The following UVRAG variants were observed in gnomAD, a reference collection of about 807,000 sequenced individuals.
UVRAG encodes the protein UV radiation resistance associated, also known as UV radiation resistance-associated gene protein.
In UVRAG, 19 loss-of-function variants were observed where a neutral mutation model predicts 78.0. The observed-to-expected ratio is 0.24, with a 90% CI of 0.17 to 0.36. The LOEUF is 0.36. UVRAG is among the 10% of genes least tolerant of loss of function. UVRAG has a pLI of 1.00. For synonymous variants in UVRAG, 323 were observed against 324.6 expected (o/e 1.00, Z 0.05); for missense variants, 740 against 853.8 (o/e 0.87, Z 1.66).
chr11:76,037,463 G>A (rs1276136284), intron 12 of UVRAG, among the ~76,000 whole-genome samples: 1 of 151,130 alleles, frequency 6.6e-6, no homozygotes, highest in Non-Finnish European at 1.5e-5. Context: ...AGCACTTTGG[G>A]AGGTTGCAGC....
chr11:75,876,147 T>C (rs1401906271), intron 3 of UVRAG, among the ~76,000 whole-genome samples: 4 of 152,350 alleles, frequency 2.6e-5, no homozygotes, highest in Admixed American at 2.6e-4. Flanking sequence ...GGAAATTCTT[T>C]GATGTTAATG....
chr11:76,093,301 A>T (rs1370305363), intron 13 of UVRAG, among the ~76,000 whole-genome samples: 1 of 152,202 alleles, frequency 6.6e-6, no homozygotes, highest in African/African-American at 2.4e-5. Flanking sequence ...TGATGCCTCC[A>T]GCTTTGTTCT....
At chr11:76,022,726 G>T (rs1471472390) in intron 12 of UVRAG, among the ~76,000 whole-genome samples, 6 of 152,110 alleles carry the variant, frequency 3.9e-5, no homozygotes, top group Non-Finnish European at 7.3e-5. Context: ...TCCAATCTCT[G>T]CCTTTGGATT....
intron 5 of UVRAG, chr11:75,892,424 C>G (rs1947232700): frequency 1.0e-6 from 1 of 981,380 alleles, no homozygotes; most frequent in South Asian, 4.7e-5. Flanking sequence ...GGAATAATAG[C>G]TAGTATTTAG....
chr11:75,933,630 A>G (rs998370249), intron 6 of UVRAG, among the ~76,000 whole-genome samples: 7 of 152,234 alleles, frequency 4.6e-5, no homozygotes, highest in Non-Finnish European at 8.8e-5. Flanking sequence ...ACCAGAATGT[A>G]TAAGGAGCTC....
At chr11:75,962,860 C>T (rs1208122346) in intron 7 of UVRAG, among the ~76,000 whole-genome samples, 3 of 152,092 alleles carry the variant, frequency 2.0e-5, no homozygotes, top group African/African-American at 7.2e-5. Context: ...TATGCTTTAT[C>T]TCAGTGTGGA....
At position 76,141,106 on chromosome 11, in the gene UVRAG, G is replaced by A. The variant is rs762619917; in HGVS notation, c.1793G>A (p.Gly598Asp). 1.2e-6 allele frequency: 2 copies of A among 1,614,116 alleles called. No individual in the cohort carries two copies. Among genetic ancestry groups the A allele is most frequent in the Non-Finnish European group, 1.7e-6 (2 of 1,180,038 alleles). Residue 598 changes from glycine (G) to aspartate (D), a missense_variant, in exon 15 of 15, where the codon GGC becomes GAC. Coordinates refer to ENST00000356136, the MANE Select transcript of UVRAG (RefSeq NM_003369.4). ...TCCGGGCACCGGGCCACAGTCAATG[G>A]CACTCTCCTACCCAGCGAGCAGGCC... ...ALSGHRATVN[G>D]TLLPSEQAGS...
intron 6 of UVRAG, among the ~76,000 whole-genome samples, chr11:75,951,661 C>T (rs960522398): frequency 7.2e-5 from 11 of 152,130 alleles, no homozygotes; most frequent in South Asian, 2.1e-4. Context: ...GGATTACAGG[C>T]GTGAACCACC....
At chr11:75,897,310 C>G (rs1947363781) in intron 5 of UVRAG, among the ~76,000 whole-genome samples, 1 of 152,148 alleles carries the variant, frequency 6.6e-6, no homozygotes, top group Non-Finnish European at 1.5e-5. Flanking sequence ...TAGCAAATCA[C>G]TTAACTTCTC....
intron 4 of UVRAG, among the ~76,000 whole-genome samples, chr11:75,888,437 C>T (rs1410958290): frequency 6.6e-6 from 1 of 152,144 alleles, no homozygotes; most frequent in Non-Finnish European, 1.5e-5. Flanking sequence ...AGCTACTGTG[C>T]CAGGCCTAGG....
At chr11:76,007,436 C>A in intron 9 of UVRAG, 98 bp from the exon 10 acceptor site, 1 of 930,946 alleles carries the variant, frequency 1.1e-6, no homozygotes, top group Non-Finnish European at 1.6e-6. Flanking sequence ...CTATTACAGA[C>A]AGTATAATCT....
chr11:75,991,305 CCTG>C (rs1244891007), intron 8 of UVRAG, among the ~76,000 whole-genome samples: 1 of 152,114 alleles, frequency 6.6e-6, no homozygotes, highest in African/African-American at 2.4e-5. Context: ...ACTTACATTG[CCTG>C]CTATCTGTGG....
intron 1 of UVRAG, chr11:75,837,425 T>A (rs1945809591): frequency 6.6e-6 from 1 of 152,168 alleles, no homozygotes; most frequent in Non-Finnish European, 1.5e-5. Flanking sequence ...CTGTAGACTT[T>A]AAATCATCTC....
intron 6 of UVRAG, among the ~76,000 whole-genome samples, chr11:75,943,231 A>G (rs115201352): frequency 0.013 from 1,970 of 151,030 alleles, 41 homozygotes; most frequent in African/African-American, 0.045. Flanking sequence ...TTATCGATCT[A>G]TTCAGGTTTT....
chr11:75,861,660 A>C, intron 2 of UVRAG, 86 bp from the exon 3 acceptor site: 2 of 901,578 alleles, frequency 2.2e-6, no homozygotes, highest in Non-Finnish European at 3.5e-6. Context: ...ACTGCAACAT[A>C]TGTTAAAAAA....
At chr11:76,019,785 C>T (rs1950208955) in intron 12 of UVRAG, among the ~76,000 whole-genome samples, 1 of 152,184 alleles carries the variant, frequency 6.6e-6, no homozygotes, top group Non-Finnish European at 1.5e-5. Flanking sequence ...GACCTGATGC[C>T]AGCATAGGAC....
rs149711791 is a variant in UVRAG at position 76,106,219 on chromosome 11, A to G, written c.1306-9705A>G. On this transcript the variant is annotated intron_variant, in intron 13 of 14. Transcript: ENST00000356136. ...ACCTGGATGAATCTCATGTGAAAAA[A>G]GGCAGACACAACAGGCTAAATACTC... Among the ~76,000 whole-genome samples, 671 of 152,314 alleles carry G rather than the reference A, an allele frequency of 4.4e-3. 5 individuals carry two copies. The highest frequency in any genetic ancestry group is 0.016 in the African/African-American group (649 of 41,572).
intron 14 of UVRAG, chr11:76,137,108 A>C: frequency 4.2e-6 from 1 of 235,626 alleles, no homozygotes; most frequent in Non-Finnish European, 8.8e-6. Flanking sequence ...CCAAACTCAT[A>C]TAATAAATAC....
chr11:76,010,325 T>C (rs942105522), intron 11 of UVRAG, among the ~76,000 whole-genome samples: 3 of 152,170 alleles, frequency 2.0e-5, no homozygotes, highest in African/African-American at 7.2e-5. Flanking sequence ...TGGAGCTTAT[T>C]GGGGGAGACA....
Sources: allele counts gnomAD v4.1 joint callset (sites outside exome capture counted in the v4.1 genomes callset), GRCh38; gene constraint gnomAD v4.1.1; transcripts MANE v1.5; gene names NCBI Gene and HGNC (gene_info 2026-07-23, HGNC 2026-07-21).